CTNNA3: variants seen among roughly 807,000 people sequenced by gnomAD.
CTNNA3 encodes the protein catenin alpha 3.
In CTNNA3, 76 loss-of-function variants were observed where a neutral mutation model predicts 95.7. The observed-to-expected ratio is 0.79, with a 90% CI of 0.66 to 0.96. CTNNA3 has a LOEUF of 0.96. Ranked by LOEUF, CTNNA3 falls within the 40% of genes least tolerant of loss-of-function variation. The pLI is 0.00. For synonymous variants in CTNNA3, 431 were observed against 374.4 expected, an observed-to-expected ratio of 1.15 and a Z score of -1.74; for missense variants, 1,191 against 1,089.8, an observed-to-expected ratio of 1.09 and a Z score of -1.31.
intron 6 of CTNNA3, among the ~76,000 whole-genome samples, chr10:67,183,353 G>A (rs1408887838): frequency 1.3e-5 from 2 of 152,108 alleles, no homozygotes; most frequent in African/African-American, 4.8e-5. Flanking sequence ...GGAATACTAT[G>A]CAGCCATAAA....
intron 9 of CTNNA3, among the ~76,000 whole-genome samples, chr10:66,723,763 G>C (rs759938669): frequency 2.6e-5 from 4 of 152,092 alleles, no homozygotes; most frequent in Admixed American, 6.6e-5. Context: ...CTCCTACCAG[G>C]CAAAAGTGCT....
intron 7 of CTNNA3, among the ~76,000 whole-genome samples, chr10:66,961,529 AC>A (rs1343358248): frequency 6.6e-6 from 1 of 151,404 alleles, no homozygotes; most frequent in African/African-American, 2.4e-5. Context: ...CATCTTACCA[AC>A]CTCTTAATGT....
Position 67,320,856 on chromosome 10 carries a change from T to C in CTNNA3, c.580-100986A>G, listed in dbSNP as rs555563808. Among the ~76,000 whole-genome samples the C allele has an allele frequency of 4.6e-5, 7 of 152,254 alleles. 1 individual carries two copies. The South Asian group carries it at 1.4e-3, about 32-fold the overall frequency. The stretch of plus-strand genomic sequence containing the variant: ...TAGTCAGTGAATTAAAAGAAGAGAA[T>C]TGAGATTGGAAGGAAACATTTCTGC... On this transcript the variant is annotated intron_variant, in intron 5 of 17. Coordinates refer to ENST00000433211, the MANE Select transcript of CTNNA3 (RefSeq NM_013266.4).
intron 5 of CTNNA3, among the ~76,000 whole-genome samples, chr10:67,439,425 A>G (rs1846417538): frequency 6.6e-6 from 1 of 152,112 alleles, no homozygotes; most frequent in Admixed American, 6.5e-5. Flanking sequence ...GGCAAAGGGG[A>G]AGCAAGCACA....
chr10:67,626,092 G>A (rs766031785), intron 2 of CTNNA3, among the ~76,000 whole-genome samples: 21 of 151,898 alleles, frequency 1.4e-4, no homozygotes, highest in Non-Finnish European at 2.6e-4. Context: ...TGAGACAGGA[G>A]GATGGCTTGA....
intron 9 of CTNNA3, among the ~76,000 whole-genome samples, chr10:66,684,456 A>T (rs1195574365): frequency 1.3e-5 from 2 of 152,208 alleles, no homozygotes; most frequent in African/African-American, 4.8e-5. Flanking sequence ...TTATTGCTTA[A>T]GCTTCTTTTC....
rs34537265 is a variant in CTNNA3 at position 66,022,598 on chromosome 10, GACACACACAC to G, written c.2160-33811_2160-33802del. 3.1e-3 allele frequency among the ~76,000 whole-genome samples: 457 copies of G among 149,470 alleles called. 1 individual carries two copies. Among genetic ancestry groups the G allele is most frequent in the African/African-American group, 5.8e-3 (234 of 40,548 alleles). ...AGCATGACACCCAGGATATGCACATGACACACACACACACACACACACACACACACACACA... is the reference window on the plus strand; with the variant it reads ...AGCATGACACCCAGGATATGCACATGACACACACACACACACACACACACA... On this transcript the variant is annotated intron_variant, in intron 15 of 17. Coordinates refer to ENST00000433211, the MANE Select transcript of CTNNA3 (RefSeq NM_013266.4).
At chr10:66,210,719 A>T (rs2088093053) in intron 13 of CTNNA3, among the ~76,000 whole-genome samples, 1 of 152,258 alleles carries the variant, frequency 6.6e-6, no homozygotes, top group African/African-American at 2.4e-5. Context: ...TGTATGCTAA[A>T]ATATATAAAA....
At chr10:67,453,034 T>C (rs925749847) in intron 5 of CTNNA3, among the ~76,000 whole-genome samples, 3 of 152,064 alleles carry the variant, frequency 2.0e-5, no homozygotes, top group Non-Finnish European at 2.9e-5. Context: ...ACTTACCTAG[T>C]GGAGAAAGAG....
chr10:66,081,257 T>G (rs1434628153), intron 14 of CTNNA3, among the ~76,000 whole-genome samples: 1 of 152,054 alleles, frequency 6.6e-6, no homozygotes, highest in African/African-American at 2.4e-5. Context: ...ATTAGTTGAG[T>G]ATGAATCATC....
At chr10:66,239,226 A>T (rs34380379) in intron 13 of CTNNA3, among the ~76,000 whole-genome samples, 65,180 of 151,260 alleles carry the variant, frequency 0.43, 14,402 homozygotes, top group Admixed American at 0.54. Flanking sequence ...GATTTTACAA[A>T]TAATTACATT....
In CTNNA3 at chr10:67,263,353, T is replaced by C. The variant is rs143245037; in HGVS notation, c.580-43483A>G. Among the ~76,000 whole-genome samples the C allele has an allele frequency of 3.3e-3, 495 of 152,264 alleles. 4 individuals are homozygous for C. Among genetic ancestry groups the C allele is most frequent in the Middle Eastern group, 0.014 (4 of 294 alleles). The stretch of plus-strand genomic sequence containing the variant: ...CATCACTTTCAACAACTTTCCTGTA[T>C]GTCTTTGCCCCGTTCTGAGAGATAT... On this transcript the variant is annotated intron_variant, in intron 5 of 17. Transcript: ENST00000433211.
At chr10:66,705,745 T>C (rs116664140) in intron 9 of CTNNA3, among the ~76,000 whole-genome samples, 1,650 of 152,186 alleles carry the variant, frequency 0.011, 29 homozygotes, top group African/African-American at 0.038. Context: ...TATGTTCTTT[T>C]TTGATCCTTT....
intron 15 of CTNNA3, among the ~76,000 whole-genome samples, chr10:66,068,074 A>G (rs1158494039): frequency 6.6e-6 from 1 of 152,144 alleles, no homozygotes; most frequent in Admixed American, 6.6e-5. Flanking sequence ...ATGTCATTAG[A>G]TTTTCAACAC....
At chr10:66,218,026 G>A (rs1044113579) in intron 13 of CTNNA3, among the ~76,000 whole-genome samples, 3 of 152,210 alleles carry the variant, frequency 2.0e-5, no homozygotes, top group African/African-American at 7.2e-5. Context: ...GGCCTCTCCA[G>A]CTCCTGTGTG....
intron 7 of CTNNA3, among the ~76,000 whole-genome samples, chr10:66,899,492 G>T (rs1033561778): frequency 1.3e-5 from 2 of 152,138 alleles, no homozygotes; most frequent in Non-Finnish European, 2.9e-5. Context: ...CATCTCATTG[G>T]GACTGGTTGG....
At chr10:66,932,284 G>A (rs1847447193) in intron 7 of CTNNA3, among the ~76,000 whole-genome samples, 1 of 152,160 alleles carries the variant, frequency 6.6e-6, no homozygotes, top group East Asian at 1.9e-4. Context: ...GTAGGTGCAT[G>A]AAATATCTCT....
intron 9 of CTNNA3, among the ~76,000 whole-genome samples, chr10:66,715,149 T>A (rs1200185991): frequency 1.3e-5 from 2 of 152,098 alleles, no homozygotes; most frequent in African/African-American, 2.4e-5. Flanking sequence ...CTAATTTCAA[T>A]AACTTACTTA....
intron 10 of CTNNA3, among the ~76,000 whole-genome samples, chr10:66,619,454 C>T (rs1276748433): frequency 8.6e-6 from 1 of 116,600 alleles, no homozygotes; most frequent in Non-Finnish European, 1.9e-5. Flanking sequence ...AGCAAACTGT[C>T]GCAAGGACAA....
Sources: gnomAD v4.1 joint callset for allele counts (sites outside exome capture counted in the v4.1 genomes callset) on GRCh38, gnomAD v4.1.1 for gene constraint, MANE v1.5 for transcripts, NCBI Gene and HGNC (gene_info 2026-07-23, HGNC 2026-07-21) for gene names.